The following UBTD2 variants were observed in gnomAD, a reference collection of about 807,000 sequenced individuals.
UBTD2 encodes the protein ubiquitin domain-containing protein 2.
UBTD2 carries 9 observed loss-of-function variants against 19.8 expected under a neutral mutation model. The observed-to-expected ratio is 0.46, with a 90% CI of 0.27 to 0.79. The LOEUF (loss-of-function observed/expected upper bound fraction) is 0.79. UBTD2 is among the 30% of genes least tolerant of loss of function. UBTD2 has a pLI of 0.14. For missense variants in UBTD2, 250 were observed against 300.4 expected, an observed-to-expected ratio of 0.83 and a Z score of 1.24; for synonymous variants, 98 against 103.9, an observed-to-expected ratio of 0.94 and a Z score of 0.35.
rs147222907 is a variant in UBTD2, at chr5:172,263,164, C to T, written c.70+20432G>A. Among the ~76,000 whole-genome samples, 148 of 152,180 alleles carry T rather than the reference C, an allele frequency of 9.7e-4. 1 individual carries two copies. The East Asian group carries it at 0.015, about 15-fold the overall frequency. ...CAGGCTGGTCTTGAACTCCTGAGCT[C>T]AAGCAATCTGCTTACCTCAGCCTTC... On this transcript the variant is annotated intron_variant, in intron 1 of 2. Transcript: ENST00000393792.
rs138519678 is a variant in UBTD2 at position 172,221,613 on chromosome 5, A to G, written c.308-9386T>C. 5.4e-3 allele frequency among the ~76,000 whole-genome samples: 830 copies of G among 152,326 alleles called. 5 individuals carry two copies. The highest frequency in any genetic ancestry group is 0.019 in the African/African-American group (804 of 41,566). ...AGATAGTGTGATAAAGCTATATATA[A>G]TATGATTCCAACTATTTCACACTTT... On this transcript the variant is annotated intron_variant, in intron 2 of 2. Coordinates refer to ENST00000393792, the MANE Select transcript of UBTD2 (RefSeq NM_152277.3).
At chr5:172,240,435 A>G (rs1022416469) in intron 1 of UBTD2, among the ~76,000 whole-genome samples, 12 of 152,354 alleles carry the variant, frequency 7.9e-5, no homozygotes, top group African/African-American at 2.9e-4. Flanking sequence ...TTGAAGCATA[A>G]TAATTTTAAA....
In UBTD2 at chr5:172,227,368, A is replaced by G. The variant is rs543650139; in HGVS notation, c.307+6754T>C. ...GTTTGAGGATAGAGAGAGAAAAATGATATAACATTTATTTTATGGTTAATC... is the reference window on the plus strand; with the variant it reads ...GTTTGAGGATAGAGAGAGAAAAATGGTATAACATTTATTTTATGGTTAATC... On this transcript the variant is annotated intron_variant, in intron 2 of 2. Transcript: ENST00000393792. Among the ~76,000 whole-genome samples the G allele has an allele frequency of 8.5e-5, 13 of 152,294 alleles. No individual in the cohort carries two copies. The South Asian group carries it at 2.7e-3, about 32-fold the overall frequency.
chr5:172,233,395 C>T (rs931467841), intron 2 of UBTD2, among the ~76,000 whole-genome samples: 3 of 151,534 alleles, frequency 2.0e-5, no homozygotes, highest in Non-Finnish European at 4.4e-5. Flanking sequence ...AATGTAAATA[C>T]AAAATTAACA....
chr5:172,249,714 C>G (rs1754952211), intron 1 of UBTD2, among the ~76,000 whole-genome samples: 1 of 152,018 alleles, frequency 6.6e-6, no homozygotes, highest in Non-Finnish European at 1.5e-5. Flanking sequence ...CAAACTAAAT[C>G]TAAATGCATA....
chr5:172,244,234 A>G (rs1772191658), intron 1 of UBTD2, among the ~76,000 whole-genome samples: 1 of 152,122 alleles, frequency 6.6e-6, no homozygotes, highest in Non-Finnish European at 1.5e-5. Context: ...GTATTTTAAA[A>G]GAATGTTAAA....
At chr5:172,250,391 A>G (rs1166524350) in intron 1 of UBTD2, among the ~76,000 whole-genome samples, 2 of 152,198 alleles carry the variant, frequency 1.3e-5, no homozygotes, top group African/African-American at 4.8e-5. Context: ...GAAAACAGAC[A>G]TTTTGTGACT....
At chr5:172,267,743 A>G (rs1755404638) in intron 1 of UBTD2, among the ~76,000 whole-genome samples, 1 of 152,216 alleles carries the variant, frequency 6.6e-6, no homozygotes, top group African/African-American at 2.4e-5. Flanking sequence ...TAAAATATAA[A>G]GAAATCAAAT....
chr5:172,273,136 T>C (rs1282573449), intron 1 of UBTD2, among the ~76,000 whole-genome samples: 2 of 151,568 alleles, frequency 1.3e-5, no homozygotes, highest in African/African-American at 2.4e-5. Flanking sequence ...AGAGGCATTA[T>C]AGACTAGGGC....
chr5:172,275,097 A>C (rs1755580446), intron 1 of UBTD2, among the ~76,000 whole-genome samples: 1 of 152,346 alleles, frequency 6.6e-6, no homozygotes, highest in African/African-American at 2.4e-5. Context: ...ATTGACTCAC[A>C]GTTCCGCAGG....
intron 1 of UBTD2, among the ~76,000 whole-genome samples, chr5:172,272,294 A>C (rs7703011): frequency 0.32 from 49,299 of 152,042 alleles, 8,083 homozygotes; most frequent in South Asian, 0.42. Flanking sequence ...GGCCAACACA[A>C]ATGCATCTTT....
At chr5:172,265,834 T>C (rs1406503966) in intron 1 of UBTD2, among the ~76,000 whole-genome samples, 2 of 152,110 alleles carry the variant, frequency 1.3e-5, no homozygotes, top group Non-Finnish European at 2.9e-5. Context: ...GGGAAGCATA[T>C]AAATAAACAA....
intron 1 of UBTD2, among the ~76,000 whole-genome samples, chr5:172,281,753 A>G (rs1332683132): frequency 1.3e-5 from 2 of 152,176 alleles, no homozygotes; most frequent in African/African-American, 4.8e-5. Context: ...TCCAGAAATA[A>G]TCCTTTTAGT....
chr5:172,282,876 C>A (rs1755746347), intron 1 of UBTD2, among the ~76,000 whole-genome samples: 1 of 152,166 alleles, frequency 6.6e-6, no homozygotes, highest in Non-Finnish European at 1.5e-5. Context: ...CAGGGTCCAA[C>A]TGCACTTGTA....
At position 172,234,112 on chromosome 5, in the gene UBTD2, C is replaced by A. The variant is rs201271418; in HGVS notation, c.307+10G>T. On this transcript the variant is annotated intron_variant, in intron 2 of 2. Coordinates refer to ENST00000393792, the MANE Select transcript of UBTD2 (RefSeq NM_152277.3). ...ATGTTTCCTCTGTCCTTGAGGAACA[C>A]CAAACCTACCATGTGGTAATGTTAT... 49 of 1,613,602 alleles carry A rather than the reference C, an allele frequency of 3.0e-5. No homozygotes were observed. In the African/African-American group the frequency reaches 5.6e-4, roughly 18 times the overall value.
In UBTD2 at chr5:172,209,945, A is replaced by G. The variant is rs1391929236; in HGVS notation, c.*1885T>C. On this transcript the variant is annotated 3_prime_UTR_variant, in exon 3 of 3. Transcript: ENST00000393792. ...ATCTGCTTAAGAAAAAAACAGTTTTAAACACTTTTTTCCAGTTGACAAACT... is the reference window on the plus strand; with the variant it reads ...ATCTGCTTAAGAAAAAAACAGTTTTGAACACTTTTTTCCAGTTGACAAACT... 1 of 152,446 alleles carries G rather than the reference A, an allele frequency of 6.6e-6. No homozygotes were observed. Among genetic ancestry groups the G allele is most frequent in the Non-Finnish European group, 1.5e-5 (1 of 68,054 alleles). 9.4% of individuals were successfully genotyped at this position (152,446 alleles called of 1,614,324 possible). A position where few individuals can be genotyped will look rare whatever the true frequency, so the allele number is the denominator to read the frequency against.
chr5:172,257,306 G>C (rs766073484), intron 1 of UBTD2, among the ~76,000 whole-genome samples: 4 of 152,214 alleles, frequency 2.6e-5, no homozygotes, highest in Non-Finnish European at 5.9e-5. Flanking sequence ...TTGCTGCAAA[G>C]GACATGACCT....
chr5:172,224,337 T>C (rs968980858), intron 2 of UBTD2, among the ~76,000 whole-genome samples: 1 of 148,786 alleles, frequency 6.7e-6, no homozygotes, highest in Admixed American at 6.8e-5. Context: ...TCTCACCCTG[T>C]CGCCCAGGCT....
rs1047096569 is a variant in UBTD2 at position 172,209,969 on chromosome 5, CT to C, written c.*1860del. On this transcript the variant is annotated 3_prime_UTR_variant, in exon 3 of 3. Coordinates refer to ENST00000393792, the MANE Select transcript of UBTD2 (RefSeq NM_152277.3). ...TAAACACTTTTTTCCAGTTGACAAA[CT>C]TTGAGAAGTGCTGCTATTCGATGTG... The C allele has an allele frequency of 6.6e-6, 1 of 152,204 alleles. No homozygotes were observed. Among genetic ancestry groups the C allele is most frequent in the African/African-American group, 2.4e-5 (1 of 41,436 alleles). The allele number at this position is 152,204 out of a possible 1,614,324, so 9.4% of individuals were successfully genotyped here. A position where few individuals can be genotyped will look rare whatever the true frequency, so the allele number is the denominator to read the frequency against.
Sources: gnomAD v4.1 joint callset for allele counts (sites outside exome capture counted in the v4.1 genomes callset) on GRCh38, gnomAD v4.1.1 for gene constraint, MANE v1.5 for transcripts, NCBI Gene and HGNC (gene_info 2026-07-23, HGNC 2026-07-21) for gene names.